Variants in SIMC1 observed in about 807,000 individuals in gnomAD.
The protein encoded by SIMC1 is SUMO-interacting motif-containing protein 1.
Under a neutral mutation model 82.3 loss-of-function variants are expected in SIMC1, and 55 were observed. That is an observed-to-expected ratio of 0.67 (90% CI 0.54 to 0.84). SIMC1 has a LOEUF of 0.84. Among genes scored for constraint, SIMC1 ranks in the 40% least tolerant of loss-of-function variants. The pLI is 0.00. For synonymous variants in SIMC1, 353 were observed against 426.3 expected (o/e 0.83, Z 2.12); for missense variants, 915 against 1,107.2 (o/e 0.83, Z 2.46).
chr5:176,307,825 A>G (rs1158612100), intron 4 of SIMC1, among the ~76,000 whole-genome samples: 1 of 152,236 alleles, frequency 6.6e-6, no homozygotes, highest in Non-Finnish European at 1.5e-5. Context: ...ACTCTGGAAA[A>G]TGGTTTGACA....
intron 1 of SIMC1, among the ~76,000 whole-genome samples, chr5:176,243,314 G>A (rs1761330559): frequency 6.6e-6 from 1 of 152,162 alleles, no homozygotes; most frequent in African/African-American, 2.4e-5. Context: ...CCAAAAGTTT[G>A]GAGGCGGGAA....
chr5:176,251,808 A>G (rs1313537342), intron 1 of SIMC1, among the ~76,000 whole-genome samples: 2 of 150,818 alleles, frequency 1.3e-5, no homozygotes, highest in African/African-American at 4.9e-5. Context: ...GCCTTCAAGC[A>G]TCTGTTTAAC....
intron 4 of SIMC1, among the ~76,000 whole-genome samples, chr5:176,305,136 A>AGCGG (rs1428016379): frequency 0.016 from 513 of 32,464 alleles, 39 homozygotes; most frequent in Non-Finnish European, 0.021. Flanking sequence ...GCCATCCAGG[A>AGCGG]GGGGGGGGGG....
chr5:176,323,987 CA>C lies in SIMC1; in HGVS notation c.2043-615del, dbSNP rs754656711. 6.9e-3 allele frequency among the ~76,000 whole-genome samples: 672 copies of C among 96,954 alleles called. 6 individuals are homozygous for C. The highest frequency in any genetic ancestry group is 0.02 in the African/African-American group (544 of 26,704). 63.6% of individuals were successfully genotyped at this position (96,954 alleles called of 152,430 possible). A position where few individuals can be genotyped will look rare whatever the true frequency, so the allele number is the denominator to read the frequency against. On this transcript the variant is annotated intron_variant, in intron 6 of 9. Coordinates refer to ENST00000429602, the MANE Select transcript of SIMC1 (RefSeq NM_001308195.2). ...TGGGCGACAGAGCTAGACTCCATCT[CA>C]AAAAAAAAAAAAAAAAAAAAAAAAA...
At chr5:176,255,730 A>AAAAAG in intron 1 of SIMC1, among the ~76,000 whole-genome samples, 1 of 150,380 alleles carries the variant, frequency 6.6e-6, no homozygotes, top group East Asian at 1.9e-4. Context: ...CTAAAAAAAA[A>AAAAAG]AAAAGAAAAG....
chr5:176,313,375 G>A (rs1474681943), intron 4 of SIMC1: 1 of 1,528,206 alleles, frequency 6.5e-7, no homozygotes, highest in African/African-American at 1.4e-5. Flanking sequence ...AGAGATTCCA[G>A]TAGATATCTG....
At chr5:176,330,163 G>C (rs1221482232) in intron 7 of SIMC1, among the ~76,000 whole-genome samples, 3 of 152,158 alleles carry the variant, frequency 2.0e-5, no homozygotes, top group Non-Finnish European at 4.4e-5. Flanking sequence ...CACTTTGGGA[G>C]GCCAAGGTGG....
At chr5:176,281,077 G>T (rs145801928) in intron 1 of SIMC1, among the ~76,000 whole-genome samples, 3,207 of 152,294 alleles carry the variant, frequency 0.021, 49 homozygotes, top group Middle Eastern at 0.068. Flanking sequence ...CCAATCAGAC[G>T]TAGATTTGTT....
At chr5:176,328,656 CA>C (rs1299081870) in intron 7 of SIMC1, among the ~76,000 whole-genome samples, 1 of 151,656 alleles carries the variant, frequency 6.6e-6, no homozygotes, top group African/African-American at 2.4e-5. Context: ...TTTACATACT[CA>C]AAAAATCAAG....
rs1444706625 is a variant in SIMC1 at position 176,313,751 on chromosome 5, G to A, written c.1795G>A (p.Asp599Asn). ...LRYVVQTLED[D>N]FQQTLRRQRQ... Reference sequence around the variant, plus strand: ...TTATGTCGTTCAGACCCTAGAAGATGACTTTCAGCAGACCCTGAGGAGGCA... The same window carrying A: ...TTATGTCGTTCAGACCCTAGAAGATAACTTTCAGCAGACCCTGAGGAGGCA... The change falls in exon 5 of 10, where the codon GAC becomes AAC. Residue 599 changes from aspartate to asparagine, a missense_variant. Coordinates refer to ENST00000429602, the MANE Select transcript of SIMC1 (RefSeq NM_001308195.2). 6.2e-7 allele frequency: 1 copy of A among 1,613,962 alleles called. No homozygotes were observed. Among genetic ancestry groups the A allele is most frequent in the East Asian group, 2.2e-5 (1 of 44,880 alleles).
rs1764326078 is a variant in SIMC1, at chr5:176,305,756, GA to G, written c.1735-7934del. 1.2e-4 allele frequency among the ~76,000 whole-genome samples: 5 copies of G among 42,398 alleles called. 1 individual carries two copies. The highest frequency in any genetic ancestry group is 3.7e-4 in the African/African-American group (4 of 10,730). The allele number at this position is 42,398 out of a possible 152,430, so 27.8% of individuals were successfully genotyped here. A position where few individuals can be genotyped will look rare whatever the true frequency, so the allele number is the denominator to read the frequency against. On this transcript the variant is annotated intron_variant, in intron 4 of 9. Coordinates refer to ENST00000429602, the MANE Select transcript of SIMC1 (RefSeq NM_001308195.2). ...CAGCCGCCCCGTCCGGGAGGGAGGT[GA>G]GGGGGTCAGCCCCCCACCCGGCCAG...
Position 176,247,261 on chromosome 5 carries a change from C to T in SIMC1, c.129+8624C>T, listed in dbSNP as rs1044392358. 4.3e-4 allele frequency among the ~76,000 whole-genome samples: 66 copies of T among 152,248 alleles called. 1 individual carries two copies. The highest frequency in any genetic ancestry group is 8.5e-4 in the Non-Finnish European group (58 of 68,000). On this transcript the variant is annotated intron_variant, in intron 1 of 9. Coordinates refer to ENST00000429602, the MANE Select transcript of SIMC1 (RefSeq NM_001308195.2). ...TGTTCCTATTTCTCCACATCCTCTC[C>T]AGCATCTGTTGGTTCCTGACTTTTT...
intron 1 of SIMC1, among the ~76,000 whole-genome samples, chr5:176,274,976 G>A (rs201752302): frequency 1.7e-4 from 26 of 151,852 alleles, no homozygotes; most frequent in East Asian, 7.7e-4. Context: ...TTTTGGTTCC[G>A]TATGAACTTT....
chr5:176,335,476 C>T (rs931088413), intron 7 of SIMC1, among the ~76,000 whole-genome samples: 2 of 151,288 alleles, frequency 1.3e-5, no homozygotes, highest in African/African-American at 4.9e-5. Flanking sequence ...AGGGTATCAC[C>T]GTTTTTGCCC....
At chr5:176,295,885 C>G (rs1207406299) in intron 3 of SIMC1, among the ~76,000 whole-genome samples, 2 of 152,186 alleles carry the variant, frequency 1.3e-5, no homozygotes, top group African/African-American at 4.8e-5. Flanking sequence ...TAATGAGAGA[C>G]ATGACCATAT....
intron 7 of SIMC1, among the ~76,000 whole-genome samples, chr5:176,326,789 T>C (rs1368951841): frequency 2.0e-5 from 3 of 152,120 alleles, no homozygotes; most frequent in African/African-American, 4.8e-5. Flanking sequence ...GGTCTCAAAC[T>C]CCTGACCTCA....
At chr5:176,292,669 C>T (rs533708378) in intron 2 of SIMC1, among the ~76,000 whole-genome samples, 123 of 152,202 alleles carry the variant, frequency 8.1e-4, no homozygotes, top group African/African-American at 2.9e-3. Flanking sequence ...CACAGCCTCC[C>T]GCGTAGCTGG....
At chr5:176,246,761 C>T (rs1472972298) in intron 1 of SIMC1, among the ~76,000 whole-genome samples, 1 of 151,734 alleles carries the variant, frequency 6.6e-6, no homozygotes, top group African/African-American at 2.4e-5. Context: ...CCTCCCCTAG[C>T]CCCCCACCCC....
chr5:176,277,691 T>C (rs914431804), intron 1 of SIMC1, among the ~76,000 whole-genome samples: 17 of 152,074 alleles, frequency 1.1e-4, no homozygotes, highest in Non-Finnish European at 2.5e-4. Context: ...CCCAGCACCA[T>C]TTATTAACTA....
Sources: gnomAD v4.1 joint callset for allele counts (sites outside exome capture counted in the v4.1 genomes callset) on GRCh38, gnomAD v4.1.1 for gene constraint, MANE v1.5 for transcripts, NCBI Gene and HGNC (gene_info 2026-07-23, HGNC 2026-07-21) for gene names.